The following ELAPOR1 variants were observed in gnomAD, a reference collection of about 807,000 sequenced individuals.
ELAPOR1 encodes endosome/lysosome-associated apoptosis and autophagy regulator 1.
A neutral mutation model predicts 119.7 loss-of-function variants in ELAPOR1; 77 were observed. That is an observed-to-expected ratio of 0.64 (90% CI 0.54 to 0.78). ELAPOR1 has a LOEUF of 0.78. Ranked by LOEUF, ELAPOR1 falls within the 30% of genes least tolerant of loss-of-function variation. The pLI is 0.00. For synonymous variants in ELAPOR1, 481 were observed against 487.2 expected, an observed-to-expected ratio of 0.99 and a Z score of 0.17; for missense variants, 1,115 against 1,270.4, an observed-to-expected ratio of 0.88 and a Z score of 1.86.
Position 109,140,581 on chromosome 1 carries a change from A to G in ELAPOR1, c.154-21313A>G, listed in dbSNP as rs1649768385. ...GTAAGGAGGCTCCTCTAGATAAGAA[A>G]TAACTGTGTTTTGACTTCATCAGTA... On this transcript the variant is annotated intron_variant, in intron 1 of 21. Coordinates refer to ENST00000369939, the MANE Select transcript of ELAPOR1 (RefSeq NM_020775.5). Among the ~76,000 whole-genome samples the G allele has an allele frequency of 2.0e-5, 3 of 152,174 alleles. No homozygotes were observed. In the East Asian group the frequency reaches 5.8e-4, roughly 29 times the overall value.
chr1:109,171,627 C>G (rs1347811511), intron 3 of ELAPOR1, among the ~76,000 whole-genome samples: 3 of 152,190 alleles, frequency 2.0e-5, no homozygotes, highest in Non-Finnish European at 2.9e-5. Flanking sequence ...AATGTGGAGG[C>G]ATGCCTGCTT....
intron 15 of ELAPOR1, among the ~76,000 whole-genome samples, chr1:109,195,765 T>A (rs1653754510): frequency 6.6e-6 from 1 of 152,224 alleles, no homozygotes; most frequent in African/African-American, 2.4e-5. Flanking sequence ...ATATTTCAGA[T>A]CCAAAATTCA....
At chr1:109,140,094 A>G (rs933352953) in intron 1 of ELAPOR1, among the ~76,000 whole-genome samples, 1 of 133,092 alleles carries the variant, frequency 7.5e-6, no homozygotes, top group African/African-American at 3.1e-5. Context: ...TTTGTAGTAT[A>G]TATCATTTAT....
At chr1:109,192,575 C>T (rs775589242) in intron 13 of ELAPOR1, 36 bp from the exon 14 acceptor site, 4 of 1,604,430 alleles carry the variant, frequency 2.5e-6, no homozygotes, top group East Asian at 2.2e-5. Flanking sequence ...CTGTCTCAGG[C>T]CTCTCCCCTC....
At chr1:109,172,665 A>C in intron 5 of ELAPOR1, 97 bp downstream of exon 5, 8 of 829,700 alleles carry the variant, frequency 9.6e-6, no homozygotes, top group East Asian at 2.6e-5. Flanking sequence ...CTCCACCCCA[A>C]TGTCCCTGGA....
In ELAPOR1 at chr1:109,125,390, G is replaced by T. The variant is rs1210778379; in HGVS notation, c.153+11054G>T. On this transcript the variant is annotated intron_variant, in intron 1 of 21. Transcript: ENST00000369939. ...CCTGGCCAAGCAGTCTGTTTTTTTT[G>T]TTTTGTTTTGTTTTGTTTTGTTTTA... Among the ~76,000 whole-genome samples, 4 of 55,378 alleles carry T rather than the reference G, an allele frequency of 7.2e-5. No homozygotes were observed. In the East Asian group the frequency reaches 9.7e-4, roughly 13 times the overall value. 36.3% of individuals were successfully genotyped at this position (55,378 alleles called of 152,430 possible). A position where few individuals can be genotyped will look rare whatever the true frequency, so the allele number is the denominator to read the frequency against.
At chr1:109,190,902 T>C (rs917760228) in intron 11 of ELAPOR1, among the ~76,000 whole-genome samples, 2 of 152,170 alleles carry the variant, frequency 1.3e-5, no homozygotes, top group African/African-American at 4.8e-5. Flanking sequence ...TTTACAGTCT[T>C]ATGATAGACG....
intron 1 of ELAPOR1, among the ~76,000 whole-genome samples, chr1:109,159,272 A>G (rs1344041351): frequency 4.6e-5 from 7 of 152,214 alleles, no homozygotes. Flanking sequence ...GCCACCTTGA[A>G]TTAATATCCC....
At chr1:109,119,678 A>G (rs141097315) in intron 1 of ELAPOR1, among the ~76,000 whole-genome samples, 1 of 152,194 alleles carries the variant, frequency 6.6e-6, no homozygotes, top group East Asian at 1.9e-4. Context: ...GTGTTGTAAA[A>G]TACTCCTTTG....
rs761258122 is a variant in ELAPOR1, at chr1:109,164,528, G to T, written c.304G>T (p.Asp102Tyr). 1 of 1,613,648 alleles carries T rather than the reference G, an allele frequency of 6.2e-7. No homozygotes were observed. Among genetic ancestry groups the T allele is most frequent in the South Asian group, 1.1e-5 (1 of 91,058 alleles). The change falls in exon 3 of 22, where the codon GAT becomes TAT. Residue 102 changes from aspartate to tyrosine, a missense_variant. Asp to Tyr is a radical substitution (Grantham distance 160). Coordinates refer to ENST00000369939, the MANE Select transcript of ELAPOR1 (RefSeq NM_020775.5). ...CTCCTGCAACGCCGGGGAGTTTCTG[G>T]ATATGAAGGACCAGTCATGTAAGCC... ...SFSCNAGEFL[D>Y]MKDQSCKPCA...
intron 1 of ELAPOR1, among the ~76,000 whole-genome samples, chr1:109,159,674 G>A (rs1016071249): frequency 1.3e-5 from 2 of 152,188 alleles, no homozygotes; most frequent in Middle Eastern, 3.4e-3. Context: ...GTGACTTATC[G>A]GCTGCATGAC....
intron 1 of ELAPOR1, among the ~76,000 whole-genome samples, chr1:109,155,894 G>A (rs1488986852): frequency 2.6e-5 from 4 of 152,182 alleles, no homozygotes; most frequent in Non-Finnish European, 5.9e-5. Context: ...TGTAATTCCA[G>A]CACTTTGTGA....
intron 1 of ELAPOR1, among the ~76,000 whole-genome samples, chr1:109,138,392 GCA>G (rs897683632): frequency 2.0e-4 from 30 of 152,080 alleles, no homozygotes; most frequent in Non-Finnish European, 3.8e-4. Flanking sequence ...CCAGTCACTG[GCA>G]CAGTTTTCAT....
chr1:109,119,768 G>A (rs1648274934), intron 1 of ELAPOR1, among the ~76,000 whole-genome samples: 1 of 152,086 alleles, frequency 6.6e-6, no homozygotes, highest in South Asian at 2.1e-4. Context: ...TTCAAACAAT[G>A]CTGCTATGGA....
intron 1 of ELAPOR1, among the ~76,000 whole-genome samples, chr1:109,159,773 C>T (rs569713177): frequency 6.6e-6 from 1 of 152,178 alleles, no homozygotes; most frequent in Admixed American, 6.5e-5. Context: ...TATAGGGAGT[C>T]GTGAAGATGA....
chr1:109,192,832 C>T lies in ELAPOR1; in HGVS notation c.1905C>T (p.Val635=), dbSNP rs965420175. Residue 635 remains valine (V), a synonymous_variant, in exon 14 of 22, where the codon GTC becomes GTT. Transcript: ENST00000369939. ...TGAAAGCCCACCAGCCTTATGGTGT[C>T]CAGGCCTGTGTGCCCTGTGGTCCAG... ...TILKAHQPYG[V]QACVPCGPGT... 3 of 1,614,080 alleles carry T rather than the reference C, an allele frequency of 1.9e-6. No individual in the cohort carries two copies. Among genetic ancestry groups the T allele is most frequent in the Non-Finnish European group, 1.7e-6 (2 of 1,180,038 alleles).
At chr1:109,118,853 T>C (rs974877936) in intron 1 of ELAPOR1, among the ~76,000 whole-genome samples, 2 of 151,842 alleles carry the variant, frequency 1.3e-5, no homozygotes, top group African/African-American at 2.4e-5. Flanking sequence ...CTTCACTTTG[T>C]GAGCACAGTG....
intron 1 of ELAPOR1, among the ~76,000 whole-genome samples, chr1:109,129,325 C>T (rs1233947453): frequency 6.6e-6 from 1 of 152,242 alleles, no homozygotes; most frequent in African/African-American, 2.4e-5. Context: ...GCCTGGCCAA[C>T]ATGGTGAAAC....
At chr1:109,181,096 T>C (rs1474425984) in intron 7 of ELAPOR1, among the ~76,000 whole-genome samples, 1 of 152,184 alleles carries the variant, frequency 6.6e-6, no homozygotes, top group Non-Finnish European at 1.5e-5. Flanking sequence ...TTTCTGCATT[T>C]ACCGAGGAAG....
Sources: gnomAD v4.1 joint callset for allele counts (sites outside exome capture counted in the v4.1 genomes callset) on GRCh38, gnomAD v4.1.1 for gene constraint, MANE v1.5 for transcripts, NCBI Gene and HGNC (gene_info 2026-07-23, HGNC 2026-07-21) for gene names.